Variants in ZNF385B observed in about 807,000 individuals in gnomAD.
ZNF385B encodes zinc finger protein 385B, also known as zinc finger protein 533.
ZNF385B carries 23 observed loss-of-function variants against 39.2 expected under a neutral mutation model. The observed-to-expected ratio is 0.59, with a 90% CI of 0.42 to 0.83. ZNF385B has a LOEUF of 0.83. Ranked by LOEUF, ZNF385B falls within the 40% of genes least tolerant of loss-of-function variation. The pLI, the probability that ZNF385B is intolerant of heterozygous loss-of-function variation, is 0.00. For synonymous variants in ZNF385B, 205 were observed against 222.6 expected (o/e 0.92, Z 0.70); for missense variants, 552 against 598.9 (o/e 0.92, Z 0.82).
intron 3 of ZNF385B, among the ~76,000 whole-genome samples, chr2:179,750,024 G>A (rs1407335471): frequency 6.6e-6 from 1 of 152,034 alleles, no homozygotes; most frequent in Non-Finnish European, 1.5e-5. Flanking sequence ...ATCCCTTAGA[G>A]TTCTGTACTT....
chr2:179,766,431 C>T (rs1703698131), intron 3 of ZNF385B, among the ~76,000 whole-genome samples: 1 of 152,088 alleles, frequency 6.6e-6, no homozygotes, highest in African/African-American at 2.4e-5. Context: ...TAGTGGCTTA[C>T]ACTACAGAAA....
intron 3 of ZNF385B, among the ~76,000 whole-genome samples, chr2:179,630,579 A>G (rs936100526): frequency 6.6e-6 from 1 of 152,232 alleles, no homozygotes; most frequent in Non-Finnish European, 1.5e-5. Context: ...CAGAGCAGAA[A>G]AGCTGAAAAT....
At chr2:179,704,645 A>G (rs1699453422) in intron 3 of ZNF385B, among the ~76,000 whole-genome samples, 1 of 152,202 alleles carries the variant, frequency 6.6e-6, no homozygotes, top group Non-Finnish European at 1.5e-5. Flanking sequence ...CAGCTTGAGC[A>G]GCTATGTGTT....
At chr2:179,523,746 T>G (rs1341982536) in intron 4 of ZNF385B, among the ~76,000 whole-genome samples, 1 of 152,174 alleles carries the variant, frequency 6.6e-6, no homozygotes, top group Non-Finnish European at 1.5e-5. Flanking sequence ...ATCACCCCCA[T>G]TACGAAACAA....
chr2:179,782,895 T>C lies in ZNF385B; in HGVS notation c.-154-12223A>G, dbSNP rs185167209. On this transcript the variant is annotated intron_variant, in intron 1 of 9. Transcript: ENST00000410066. ...ATAGGAAGAATCAGTATCATTCAAA[T>C]GGCTATACTGCCCAAAGCAATTTAC... Among the ~76,000 whole-genome samples, 612 of 152,336 alleles carry C rather than the reference T, an allele frequency of 4.0e-3. 12 individuals carry two copies. The highest frequency in any genetic ancestry group is 1.3e-3 in the Non-Finnish European group (90 of 68,030).
chr2:179,851,378 A>T (rs538861785), intron 1 of ZNF385B, among the ~76,000 whole-genome samples: 1 of 152,292 alleles, frequency 6.6e-6, no homozygotes, highest in African/African-American at 2.4e-5. Flanking sequence ...TGAGTCCAGG[A>T]GTTGGAGGCT....
At chr2:179,472,193 A>T (rs545574850) in intron 6 of ZNF385B, among the ~76,000 whole-genome samples, 3 of 152,306 alleles carry the variant, frequency 2.0e-5, no homozygotes, top group East Asian at 3.9e-4. Context: ...TATAAGCAGG[A>T]CAGCTGCTAA....
chr2:179,775,015 T>A (rs1704231547), intron 1 of ZNF385B, among the ~76,000 whole-genome samples: 1 of 152,220 alleles, frequency 6.6e-6, no homozygotes, highest in African/African-American at 2.4e-5. Flanking sequence ...CTGGCATTGC[T>A]TTTTACCCAT....
chr2:179,805,034 A>C (rs539038330), intron 1 of ZNF385B, among the ~76,000 whole-genome samples: 34 of 152,312 alleles, frequency 2.2e-4, no homozygotes, highest in African/African-American at 7.5e-4. Context: ...CCTCATGTTG[A>C]ATCTGGCCTT....
intron 4 of ZNF385B, among the ~76,000 whole-genome samples, chr2:179,540,370 C>T (rs2059838529): frequency 1.3e-5 from 2 of 151,966 alleles, no homozygotes; most frequent in African/African-American, 2.4e-5. Context: ...CGCTTGAACC[C>T]GGGAGGCAGA....
At chr2:179,723,575 A>G (rs1700822496) in intron 3 of ZNF385B, among the ~76,000 whole-genome samples, 1 of 152,198 alleles carries the variant, frequency 6.6e-6, no homozygotes, top group Non-Finnish European at 1.5e-5. Context: ...ATGGATGAGT[A>G]TGTGACAGTA....
chr2:179,826,953 G>A (rs768710309), intron 1 of ZNF385B, among the ~76,000 whole-genome samples: 10 of 152,020 alleles, frequency 6.6e-5, no homozygotes, highest in Non-Finnish European at 1.2e-4. Context: ...AAATACTACA[G>A]TAGAATAAAG....
At chr2:179,574,669 G>C (rs1685603278) in intron 3 of ZNF385B, among the ~76,000 whole-genome samples, 1 of 152,290 alleles carries the variant, frequency 6.6e-6, no homozygotes, top group Admixed American at 6.5e-5. Flanking sequence ...AAGTTAATCT[G>C]AAGTCATACT....
intron 3 of ZNF385B, among the ~76,000 whole-genome samples, chr2:179,628,021 A>G (rs1690831863): frequency 6.6e-6 from 1 of 152,156 alleles, no homozygotes; most frequent in African/African-American, 2.4e-5. Context: ...ATTTCATTGT[A>G]CTTTTCAAAC....
chr2:179,790,834 C>T (rs372840149), intron 1 of ZNF385B, among the ~76,000 whole-genome samples: 4 of 152,182 alleles, frequency 2.6e-5, no homozygotes, highest in African/African-American at 9.7e-5. Context: ...AAAATTCCTC[C>T]CTGTTCTAAA....
intron 5 of ZNF385B, among the ~76,000 whole-genome samples, chr2:179,507,737 T>TA (rs2057355743): frequency 6.6e-6 from 1 of 152,214 alleles, no homozygotes; most frequent in African/African-American, 2.4e-5. Flanking sequence ...ACTGCTTTTT[T>TA]ACTCTCCTTA....
intron 6 of ZNF385B, among the ~76,000 whole-genome samples, chr2:179,471,751 T>C (rs1449505540): frequency 6.6e-6 from 1 of 152,220 alleles, no homozygotes; most frequent in African/African-American, 2.4e-5. Flanking sequence ...TTTGAAAAGC[T>C]GTAAATTTCA....
At chr2:179,759,868 C>T (rs929822336) in intron 3 of ZNF385B, among the ~76,000 whole-genome samples, 2 of 151,670 alleles carry the variant, frequency 1.3e-5, no homozygotes, top group Admixed American at 1.3e-4. Context: ...AAGAAAAATC[C>T]CCAAGGGTTC....
intron 6 of ZNF385B, among the ~76,000 whole-genome samples, chr2:179,476,770 T>C (rs1308400730): frequency 1.3e-5 from 2 of 152,208 alleles, no homozygotes; most frequent in African/African-American, 4.8e-5. Flanking sequence ...TAATGATATA[T>C]GTGTATTTCA....
Sources: allele counts gnomAD v4.1 joint callset (sites outside exome capture counted in the v4.1 genomes callset), GRCh38; gene constraint gnomAD v4.1.1; transcripts MANE v1.5; gene names NCBI Gene and HGNC (gene_info 2026-07-23, HGNC 2026-07-21).